The following NAGK variants were observed in gnomAD, a reference collection of about 807,000 sequenced individuals.
The protein encoded by NAGK is N-acetylglucosamine kinase.
A neutral mutation model predicts 42.9 loss-of-function variants in NAGK; 35 were observed. The ratio of observed to expected loss-of-function variants is 0.82; its 90% CI spans 0.62 to 1.08. The LOEUF is 1.08. Ranked by LOEUF, NAGK falls within the 50% of genes least tolerant of loss-of-function variation. The probability of loss-of-function intolerance (pLI) is 0.00; values close to 1 mark genes in which losing one functional copy is unlikely to be tolerated. For synonymous variants in NAGK, 172 were observed against 176.0 expected (o/e 0.98, Z 0.18); for missense variants, 446 against 446.0 (o/e 1.00, Z 0.00).
chr2:71,077,398 A>G, intron 8 of NAGK, 160 bp from the exon 9 acceptor site: 1 of 654,192 alleles, frequency 1.5e-6, no homozygotes, highest in Non-Finnish European at 2.7e-6. Context: ...AATGTCTCCT[A>G]TTTTCCTCCC....
chr2:71,072,084 G>T (rs11677558), intron 4 of NAGK, among the ~76,000 whole-genome samples: 21,422 of 152,142 alleles, frequency 0.14, 1,580 homozygotes, highest in Middle Eastern at 0.17. Context: ...CCTGGGGGCG[G>T]TGTAGTGAGG....
chr2:71,076,316 A>G (rs1672209034), intron 7 of NAGK: 1 of 304,434 alleles, frequency 3.3e-6, no homozygotes, highest in Non-Finnish European at 6.3e-6. Flanking sequence ...AGCTGGATGC[A>G]TACTAGGTGC....
Position 71,070,784 on chromosome 2 carries a change from T to G in NAGK, c.158T>G (p.Val53Gly). 6.2e-7 allele frequency: 1 copy of G among 1,614,092 alleles called. No homozygotes were observed. Among genetic ancestry groups the G allele is most frequent in the Non-Finnish European group, 8.5e-7 (1 of 1,180,010 alleles). The change falls in exon 3 of 10, where the codon GTG becomes GGG. Residue 53 changes from valine (V) to glycine (G), a missense_variant. Transcript: ENST00000244204. Reference sequence around the variant, plus strand: ...TGTGTGGAGAGGATCAATGAGATGGTGAACAGGGCCAAACGGAAAGCAGGG... The same window carrying G: ...TGTGTGGAGAGGATCAATGAGATGGGGAACAGGGCCAAACGGAAAGCAGGG... ...DKCVERINEM[V>G]NRAKRKAGVD...
chr2:71,070,578 A>C lies in NAGK; in HGVS notation c.106A>C (p.Asn36His). ...GGCAGAAGCAGATGGACTGAGCACA[A>C]ACCACTGGGTAAAAACCACACTGAG... ...ILAEADGLST[N>H]HWLIGTDKCV... The change falls in exon 2 of 10, where the codon AAC becomes CAC. Residue 36 changes from asparagine (N) to histidine (H), a missense_variant. Asn to His is a moderately conservative substitution (Grantham distance 68). Transcript: ENST00000244204. 1 of 1,613,838 alleles carries C rather than the reference A, an allele frequency of 6.2e-7. No individual in the cohort carries two copies. The highest frequency in any genetic ancestry group is 1.3e-5 in the African/African-American group (1 of 75,036).
chr2:71,068,692 G>T lies in NAGK; in HGVS notation c.9G>T (p.Ala3=), dbSNP rs930653847. 1 of 1,517,890 alleles carries T rather than the reference G, an allele frequency of 6.6e-7. No individual in the cohort carries two copies. The highest frequency in any genetic ancestry group is 2.2e-5 in the Admixed American group (1 of 45,742). 94.0% of individuals were successfully genotyped at this position (1,517,890 alleles called of 1,614,324 possible). A position where few individuals can be genotyped will look rare whatever the true frequency, so the allele number is the denominator to read the frequency against. ...GCGACGGTAGCAGCAGCATGGCCGCGATCTATGGGGGTGTAGAGGGGTGAG... is the reference window on the plus strand; with the variant it reads ...GCGACGGTAGCAGCAGCATGGCCGCTATCTATGGGGGTGTAGAGGGGTGAG... MA[A]IYGGVEGGGT... Residue 3 remains alanine, a synonymous_variant, in exon 1 of 10, where the codon GCG becomes GCT. Coordinates refer to ENST00000244204, the MANE Select transcript of NAGK (RefSeq NM_017567.6).
intron 6 of NAGK, 132 bp downstream of exon 6, chr2:71,073,726 G>A: frequency 1.3e-6 from 1 of 787,224 alleles, no homozygotes; most frequent in Middle Eastern, 3.2e-4. Context: ...TGAGTTGCAG[G>A]GTGAAGTCAT....
intron 8 of NAGK, 48 bp from the exon 9 acceptor site, chr2:71,077,510 T>A: frequency 6.4e-7 from 1 of 1,555,106 alleles, no homozygotes; most frequent in Non-Finnish European, 8.7e-7. Context: ...CCTTCAGCAC[T>A]GGAGAGGCTA....
intron 8 of NAGK, among the ~76,000 whole-genome samples, chr2:71,077,121 G>A (rs771652225): frequency 9.9e-5 from 15 of 152,044 alleles, no homozygotes; most frequent in African/African-American, 2.2e-4. Flanking sequence ...GATTACAGGC[G>A]CGCATCACCA....
intron 9 of NAGK, 28 bp from the exon 10 acceptor site, chr2:71,078,290 A>G (rs745802058): frequency 6.2e-7 from 1 of 1,608,630 alleles, no homozygotes; most frequent in East Asian, 2.2e-5. Context: ...TTCTCCTCTT[A>G]TCTCTGTCCT....
chr2:71,071,540 G>A lies in NAGK; in HGVS notation c.214-146G>A. 24 of 1,139,568 alleles carry A rather than the reference G, an allele frequency of 2.1e-5. No homozygotes were observed. The South Asian group carries it at 4.0e-4, about 19-fold the overall frequency. The allele number at this position is 1,139,568 out of a possible 1,614,324, so 70.6% of individuals were successfully genotyped here. On this transcript the variant is annotated intron_variant, in intron 3 of 9. Coordinates refer to ENST00000244204, the MANE Select transcript of NAGK (RefSeq NM_017567.6). ...AACCACAGCCTTCTGAGGGGTCATT[G>A]TGTGGGGAGAAAGGAGGACTGGGGC...
chr2:71,075,519 C>T (rs1335007900), intron 6 of NAGK, 36 bp from the exon 7 acceptor site: 7 of 1,543,156 alleles, frequency 4.5e-6, no homozygotes, highest in South Asian at 1.1e-5. Context: ...TTTTCCTTTG[C>T]TTCTGATGAC....
chr2:71,073,258 T>G (rs1421842250), intron 5 of NAGK: 1 of 584,708 alleles, frequency 1.7e-6, no homozygotes, highest in Admixed American at 3.0e-5. Context: ...CCTCACCTAT[T>G]CTGTTTTCCC....
rs547019435 is a variant in NAGK, at chr2:71,072,826, C to T, written c.466+75C>T. ...TCACTCCCTGTCTTTCTCTCCTTAG[C>T]CTTGGCTCACTGAGCCCTTGGGGCT... On this transcript the variant is annotated intron_variant, in intron 5 of 9. Coordinates refer to ENST00000244204, the MANE Select transcript of NAGK (RefSeq NM_017567.6). 4.0e-5 allele frequency: 55 copies of T among 1,382,600 alleles called. No individual in the cohort carries two copies. The African/African-American group carries it at 7.3e-4, about 18-fold the overall frequency. The allele number at this position is 1,382,600 out of a possible 1,614,324, so 85.6% of individuals were successfully genotyped here.
intron 1 of NAGK, chr2:71,068,982 A>G (rs1671896606): frequency 8.1e-7 from 1 of 1,231,864 alleles, no homozygotes; most frequent in African/African-American, 1.6e-5. Context: ...CGAAACACCC[A>G]CTCCGCTGTC....
chr2:71,069,325 TG>T (rs1331814909), intron 1 of NAGK: 1 of 155,944 alleles, frequency 6.4e-6, no homozygotes, highest in African/African-American at 2.4e-5. Flanking sequence ...TTACCCTCCC[TG>T]GGCTACAGTT....
chr2:71,077,927 G>A (rs1022340680), intron 9 of NAGK, among the ~76,000 whole-genome samples: 3 of 152,230 alleles, frequency 2.0e-5, no homozygotes, highest in Non-Finnish European at 4.4e-5. Context: ...TTGGAGCACT[G>A]ACTGGCATGT....
intron 1 of NAGK, chr2:71,069,009 G>A: frequency 1.7e-6 from 2 of 1,174,594 alleles, no homozygotes; most frequent in Non-Finnish European, 2.1e-6. Context: ...TGGAGAAGCA[G>A]CTCCTTTTTC....
At chr2:71,069,106 G>A (rs1671901663) in intron 1 of NAGK, 4 of 1,011,178 alleles carry the variant, frequency 4.0e-6, no homozygotes, top group Non-Finnish European at 4.7e-6. Flanking sequence ...TGGGAGTGGG[G>A]AGAAGCGGGA....
At chr2:71,068,588 A>AC, upstream of NAGK, 1 of 1,521,740 alleles carries the variant, frequency 6.6e-7, no homozygotes, top group South Asian at 1.2e-5. Context: ...GCGGGAGGTC[A>AC]CGGGAAGTGG....
Sources: gnomAD v4.1 joint callset for allele counts (sites outside exome capture counted in the v4.1 genomes callset) on GRCh38, gnomAD v4.1.1 for gene constraint, MANE v1.5 for transcripts, NCBI Gene and HGNC (gene_info 2026-07-23, HGNC 2026-07-21) for gene names.